RGS5: variants seen among roughly 807,000 people sequenced by gnomAD.
RGS5 encodes regulator of G protein signaling 5, also known as regulator of G-protein signalling 5.
Under a neutral mutation model 18.9 loss-of-function variants are expected in RGS5, and 20 were observed. The ratio of observed to expected loss-of-function variants is 1.06; its 90% CI spans 0.74 to 1.54. The LOEUF is 1.54. Among genes scored for constraint, RGS5 ranks in the 40% most tolerant of loss-of-function variants. The probability of loss-of-function intolerance (pLI) is 0.00; values close to 1 mark genes in which losing one functional copy is unlikely to be tolerated. For synonymous variants in RGS5, 57 were observed against 76.2 expected, an observed-to-expected ratio of 0.75 and a Z score of 1.31; for missense variants, 201 against 211.8, an observed-to-expected ratio of 0.95 and a Z score of 0.32.
At chr1:163,296,843 T>C (rs1280665952) in intron 2 of RGS5, among the ~76,000 whole-genome samples, 2 of 152,152 alleles carry the variant, frequency 1.3e-5, no homozygotes, top group African/African-American at 4.8e-5. Context: ...CTTTGACATA[T>C]TATTTTGAAT....
chr1:163,240,112 A>G (rs2101690572), intron 2 of RGS5, among the ~76,000 whole-genome samples: 1 of 152,250 alleles, frequency 6.6e-6, no homozygotes, highest in African/African-American at 2.4e-5. Flanking sequence ...ATTCCACTCT[A>G]AGTATTTACC....
At chr1:163,174,973 T>A (rs960057480) in intron 1 of RGS5, among the ~76,000 whole-genome samples, 1 of 152,132 alleles carries the variant, frequency 6.6e-6, no homozygotes, top group Non-Finnish European at 1.5e-5. Flanking sequence ...GCAATTTAAA[T>A]CCGTGTCGCA....
At chr1:163,172,882 T>C (rs935173706) in intron 1 of RGS5, among the ~76,000 whole-genome samples, 1 of 152,204 alleles carries the variant, frequency 6.6e-6, no homozygotes, top group African/African-American at 2.4e-5. Flanking sequence ...AATGTTAGAT[T>C]TGTTTTACTC....
intron 2 of RGS5, among the ~76,000 whole-genome samples, chr1:163,283,736 A>C (rs970570191): frequency 2.6e-5 from 4 of 152,200 alleles, no homozygotes; most frequent in Non-Finnish European, 5.9e-5. Context: ...ATGTTGTGAA[A>C]GCTCAACATT....
At chr1:163,295,368 TCTAA>T in intron 2 of RGS5, among the ~76,000 whole-genome samples, 1 of 152,338 alleles carries the variant, frequency 6.6e-6, no homozygotes, top group Non-Finnish European at 1.5e-5. Context: ...TATAATTTAT[TCTAA>T]CTATTAACCT....
chr1:163,217,202 C>G (rs1405105196), intron 1 of RGS5, among the ~76,000 whole-genome samples: 1 of 152,082 alleles, frequency 6.6e-6, no homozygotes, highest in Non-Finnish European at 1.5e-5. Flanking sequence ...TTACCTGTAT[C>G]ACAAACCTGC....
intron 2 of RGS5, among the ~76,000 whole-genome samples, chr1:163,262,314 G>A (rs1454648694): frequency 4.6e-5 from 4 of 86,322 alleles, no homozygotes; most frequent in Admixed American, 2.6e-4. Flanking sequence ...CCCCTCCCCC[G>A]ACCCCACCAC....
intron 1 of RGS5, among the ~76,000 whole-genome samples, chr1:163,195,320 A>C (rs1342492992): frequency 6.6e-6 from 1 of 152,166 alleles, no homozygotes; most frequent in Non-Finnish European, 1.5e-5. Flanking sequence ...GAAGTAACTC[A>C]GGAATGGAAA....
chr1:163,265,102 A>G (rs1008139409), intron 2 of RGS5, among the ~76,000 whole-genome samples: 1 of 152,060 alleles, frequency 6.6e-6, no homozygotes, highest in Non-Finnish European at 1.5e-5. Context: ...TCCTTTCACC[A>G]TCACTGCTTC....
chr1:163,232,554 G>A (rs1198825573), intron 2 of RGS5, among the ~76,000 whole-genome samples: 3 of 152,186 alleles, frequency 2.0e-5, no homozygotes, highest in Admixed American at 6.5e-5. Flanking sequence ...AAGGAGGAAA[G>A]GGAGTCAAGT....
At chr1:163,226,297 C>T (rs1411091758) in intron 2 of RGS5, among the ~76,000 whole-genome samples, 4 of 152,312 alleles carry the variant, frequency 2.6e-5, no homozygotes, top group Admixed American at 2.6e-4. Context: ...AAATTGTTCA[C>T]TGGGTACATT....
intron 1 of RGS5, among the ~76,000 whole-genome samples, chr1:163,213,254 T>A (rs1660145420): frequency 1.3e-5 from 2 of 152,166 alleles, no homozygotes; most frequent in Admixed American, 1.3e-4. Flanking sequence ...GAAAACTGAT[T>A]TTGAATGGAG....
chr1:163,148,254 C>G (rs1291583000), intron 4 of RGS5, among the ~76,000 whole-genome samples: 1 of 152,032 alleles, frequency 6.6e-6, no homozygotes, highest in Non-Finnish European at 1.5e-5. Flanking sequence ...AATTCTAACA[C>G]AACATTTGGT....
At chr1:163,175,917 ATG>A (rs748992546) in intron 1 of RGS5, among the ~76,000 whole-genome samples, 2 of 152,210 alleles carry the variant, frequency 1.3e-5, no homozygotes, top group Non-Finnish European at 1.5e-5. Flanking sequence ...GTGTTATGAT[ATG>A]ACTTCAGAAA....
At chr1:163,157,797 G>A (rs1316040505) in intron 3 of RGS5, among the ~76,000 whole-genome samples, 2 of 152,046 alleles carry the variant, frequency 1.3e-5, no homozygotes. Flanking sequence ...GTACTATGCT[G>A]GGCTCAAGCC....
chr1:163,171,746 T>A (rs1463998713), intron 1 of RGS5, among the ~76,000 whole-genome samples: 3 of 152,236 alleles, frequency 2.0e-5, no homozygotes, highest in Non-Finnish European at 4.4e-5. Flanking sequence ...CATTTATTCC[T>A]TACTGATTAA....
At chr1:163,289,529 G>A (rs1649228429) in intron 2 of RGS5, among the ~76,000 whole-genome samples, 1 of 152,146 alleles carries the variant, frequency 6.6e-6, no homozygotes, top group East Asian at 1.9e-4. Flanking sequence ...CTAAGAACCT[G>A]TCACATAGTA....
chr1:163,286,979 T>C (rs1330117084), intron 2 of RGS5, among the ~76,000 whole-genome samples: 1 of 152,174 alleles, frequency 6.6e-6, no homozygotes, highest in African/African-American at 2.4e-5. Context: ...GGGGTCAATC[T>C]GAGAAAGATA....
rs1648338934 is a variant in RGS5 at position 163,258,534 on chromosome 1, G to A, written c.-281+47699C>T. ...TGCTAAAAAGTTTCTCTCCACTGAA[G>A]CTTCCTGTGGTTTGGCCTGATAAGT... On this transcript the variant is annotated intron_variant, in intron 2 of 5. Transcript: ENST00000618415. Among the ~76,000 whole-genome samples, 3 of 152,182 alleles carry A rather than the reference G, an allele frequency of 2.0e-5. No individual in the cohort carries two copies. The South Asian group carries it at 6.2e-4, about 32-fold the overall frequency.
Sources: allele counts gnomAD v4.1 joint callset (sites outside exome capture counted in the v4.1 genomes callset), GRCh38; gene constraint gnomAD v4.1.1; transcripts MANE v1.5; gene names NCBI Gene and HGNC (gene_info 2026-07-23, HGNC 2026-07-21).